The following ATP10D variants were observed in gnomAD, a reference collection of about 807,000 sequenced individuals.
ATP10D encodes phospholipid-transporting ATPase VD.
A neutral mutation model predicts 144.8 loss-of-function variants in ATP10D; 89 were observed. The observed-to-expected ratio is 0.61, with a 90% CI of 0.52 to 0.73. The LOEUF (loss-of-function observed/expected upper bound fraction) is 0.73, where lower values mean the gene tolerates loss of function less well. ATP10D is among the 30% of genes least tolerant of loss of function. The pLI, the probability that ATP10D is intolerant of heterozygous loss-of-function variation, is 0.00. For synonymous variants in ATP10D, 571 were observed against 615.1 expected, an observed-to-expected ratio of 0.93 and a Z score of 1.06; for missense variants, 1,603 against 1,714.8, an observed-to-expected ratio of 0.93 and a Z score of 1.15.
intron 21 of ATP10D, chr4:47,583,319 A>G (rs1334037935): frequency 6.6e-6 from 1 of 152,252 alleles, no homozygotes; most frequent in Admixed American, 6.5e-5. Context: ...ATGATGAAAT[A>G]ACCAGTTTTT....
intron 1 of ATP10D, among the ~76,000 whole-genome samples, chr4:47,493,385 AACC>A: frequency 6.6e-6 from 1 of 152,340 alleles, no homozygotes; most frequent in Admixed American, 6.5e-5. Flanking sequence ...ATTCCCATAC[AACC>A]ATTCTGTCTT....
rs191877898 is a variant in ATP10D, at chr4:47,558,861, A to T, written c.2435-62A>T. Reference sequence around the variant, plus strand: ...GTGTGGATAAAACTACTATTGTTTTAAAAAGTATTTCTGTAATTTGGCAGA... The same window carrying T: ...GTGTGGATAAAACTACTATTGTTTTTAAAAGTATTTCTGTAATTTGGCAGA... On this transcript the variant is annotated intron_variant, in intron 12 of 22. Coordinates refer to ENST00000273859, the MANE Select transcript of ATP10D (RefSeq NM_020453.4). 5.1e-3 allele frequency: 6,877 copies of T among 1,345,980 alleles called. 26 individuals are homozygous for T. Among genetic ancestry groups the T allele is most frequent in the Non-Finnish European group, 6.3e-3 (6,091 of 961,884 alleles). 83.4% of individuals were successfully genotyped at this position (1,345,980 alleles called of 1,614,324 possible). A position where few individuals can be genotyped will look rare whatever the true frequency, so the allele number is the denominator to read the frequency against.
intron 1 of ATP10D, chr4:47,491,350 C>T: frequency 1.3e-6 from 1 of 760,966 alleles, no homozygotes. Context: ...TCTCCAATAT[C>T]ACGTCTCTTA....
intron 18 of ATP10D, among the ~76,000 whole-genome samples, chr4:47,575,845 G>T (rs1577701813): frequency 1.3e-5 from 2 of 152,076 alleles, no homozygotes; most frequent in South Asian, 4.2e-4. Context: ...GTTCTGGTGC[G>T]GGTTTTCTTC....
chr4:47,565,618 TA>T (rs1268539656), intron 15 of ATP10D, among the ~76,000 whole-genome samples: 1 of 151,930 alleles, frequency 6.6e-6, no homozygotes, highest in Non-Finnish European at 1.5e-5. Flanking sequence ...AATGAAAAAA[TA>T]TAAATTGTTT....
At chr4:47,519,565 A>G (rs967098520) in intron 3 of ATP10D, among the ~76,000 whole-genome samples, 25 of 152,238 alleles carry the variant, frequency 1.6e-4, no homozygotes, top group Admixed American at 1.6e-3. Context: ...TAAATGTTCC[A>G]GGCTAGTTAA....
At chr4:47,552,568 G>A (rs770531334) in intron 10 of ATP10D, among the ~76,000 whole-genome samples, 1 of 152,162 alleles carries the variant, frequency 6.6e-6, no homozygotes, top group Non-Finnish European at 1.5e-5. Context: ...TCCCCAAAGA[G>A]CCCTACTTCC....
At chr4:47,567,693 T>C (rs1019238577) in intron 15 of ATP10D, among the ~76,000 whole-genome samples, 3 of 152,260 alleles carry the variant, frequency 2.0e-5, no homozygotes, top group Non-Finnish European at 4.4e-5. Context: ...CTTTGTATAC[T>C]TTGCCTTAAG....
intron 1 of ATP10D, among the ~76,000 whole-genome samples, chr4:47,509,941 GGGGTGT>G (rs1716223152): frequency 1.0e-5 from 1 of 97,344 alleles, no homozygotes; most frequent in Non-Finnish European, 2.0e-5. Context: ...TTTTGTTTCA[GGGGTGT>G]GTGTGTGTGT....
chr4:47,547,058 A>T (rs1718479878), intron 10 of ATP10D, 196 bp downstream of exon 10: 1 of 600,882 alleles, frequency 1.7e-6, no homozygotes, highest in African/African-American at 1.9e-5. Flanking sequence ...TTTAAAAAAT[A>T]ACTCAATGTT....
chr4:47,512,672 T>TA lies in ATP10D; in HGVS notation c.135dup (p.Leu46ThrfsTer18), dbSNP rs1051430737. 1 of 1,614,048 alleles carries TA rather than the reference T, an allele frequency of 6.2e-7. No individual in the cohort carries two copies. The highest frequency in any genetic ancestry group is 8.5e-7 in the Non-Finnish European group (1 of 1,180,024). On this transcript the variant is annotated frameshift_variant, in exon 2 of 23. Coordinates refer to ENST00000273859, the MANE Select transcript of ATP10D (RefSeq NM_020453.4). LOFTEE classifies it high-confidence loss of function. ...GTGGGCGCAAGTCCTCTCAGACCCC[T>TA]AAACTGTCAGGAAGGCACCGGATTG...
chr4:47,574,839 C>G (rs1276672033), intron 18 of ATP10D, among the ~76,000 whole-genome samples: 1 of 151,990 alleles, frequency 6.6e-6, no homozygotes, highest in Non-Finnish European at 1.5e-5. Context: ...CTCACTCTGT[C>G]CCCCAGGCTG....
At position 47,546,667 on chromosome 4, in the gene ATP10D, A is replaced by G. The variant is rs372297496; in HGVS notation, c.1440A>G (p.Glu480=). The G allele has an allele frequency of 6.2e-7, 1 of 1,614,064 alleles. No homozygotes were observed. The highest frequency in any genetic ancestry group is 1.3e-5 in the African/African-American group (1 of 75,014). ...ATCAGGAAGCTGTCTCTGAAGATGA[A>G]GATTTTATAGACACAGTCAGTGGTT... ...ESYQEAVSED[E]DFIDTVSGSL... is the part of the protein sequence containing the mutation. Residue 480 remains glutamate (E), a synonymous_variant, in exon 10 of 23, where the codon GAA becomes GAG. Coordinates refer to ENST00000273859, the MANE Select transcript of ATP10D (RefSeq NM_020453.4).
intron 14 of ATP10D, among the ~76,000 whole-genome samples, chr4:47,561,815 T>C (rs979450215): frequency 6.6e-6 from 1 of 152,214 alleles, no homozygotes; most frequent in Non-Finnish European, 1.5e-5. Context: ...CCTAAAGTGA[T>C]GCTAAAGGCG....
chr4:47,573,218 C>T (rs1720058772), intron 18 of ATP10D, among the ~76,000 whole-genome samples: 1 of 152,214 alleles, frequency 6.6e-6, no homozygotes, highest in African/African-American at 2.4e-5. Flanking sequence ...CTAACATTTT[C>T]TACTCCCTGT....
At chr4:47,557,395 G>C (rs1719038239) in intron 11 of ATP10D, among the ~76,000 whole-genome samples, 1 of 151,728 alleles carries the variant, frequency 6.6e-6, no homozygotes, top group Non-Finnish European at 1.5e-5. Context: ...AGAAATGTAT[G>C]TCATTCATTT....
chr4:47,534,342 A>G (rs969629141), intron 5 of ATP10D, among the ~76,000 whole-genome samples: 2 of 152,182 alleles, frequency 1.3e-5, no homozygotes, highest in Admixed American at 6.6e-5. Flanking sequence ...AATCTGATGA[A>G]ACAAACAGAG....
chr4:47,496,446 C>T (rs4629414), intron 1 of ATP10D, among the ~76,000 whole-genome samples: 43,372 of 152,018 alleles, frequency 0.29, 7,106 homozygotes, highest in Admixed American at 0.35. Flanking sequence ...CGTGAGCCAC[C>T]GCGCCCGGCT....
At chr4:47,515,694 A>G in intron 3 of ATP10D, 24 bp downstream of exon 3, 2 of 1,529,694 alleles carry the variant, frequency 1.3e-6, no homozygotes, top group Non-Finnish European at 1.8e-6. Context: ...GACCTTTGCT[A>G]AGGACTATGT....
Sources: gnomAD v4.1 joint callset for allele counts (sites outside exome capture counted in the v4.1 genomes callset) on GRCh38, gnomAD v4.1.1 for gene constraint, MANE v1.5 for transcripts, NCBI Gene and HGNC (gene_info 2026-07-23, HGNC 2026-07-21) for gene names.